ZDHHC7: variants seen among roughly 807,000 people sequenced by gnomAD.
ZDHHC7 encodes palmitoyltransferase ZDHHC7.
ZDHHC7 carries 12 observed loss-of-function variants against 34.1 expected under a neutral mutation model. The observed-to-expected ratio is 0.35, with a 90% CI of 0.23 to 0.57. The LOEUF (loss-of-function observed/expected upper bound fraction) is 0.57, where lower values mean the gene tolerates loss of function less well. Among genes scored for constraint, ZDHHC7 ranks in the 20% least tolerant of loss-of-function variants. The pLI, the probability that ZDHHC7 is intolerant of heterozygous loss-of-function variation, is 0.84. For missense variants in ZDHHC7, 388 were observed against 402.7 expected, an observed-to-expected ratio of 0.96 and a Z score of 0.31; for synonymous variants, 185 against 155.4, an observed-to-expected ratio of 1.19 and a Z score of -1.42.
At chr16:85,008,322 C>G (rs1167107511) in intron 1 of ZDHHC7, among the ~76,000 whole-genome samples, 7 of 152,086 alleles carry the variant, frequency 4.6e-5, no homozygotes, top group African/African-American at 1.7e-4. Context: ...TAAAAACTGA[C>G]TACAAAGACT....
rs531910738 is a variant in ZDHHC7 at position 84,976,167 on chromosome 16, G to A, written c.*176C>T. 505 of 802,046 alleles carry A rather than the reference G, an allele frequency of 6.3e-4. 1 individual carries two copies. In the African/African-American group the frequency reaches 7.8e-3, roughly 12 times the overall value. 49.7% of individuals were successfully genotyped at this position (802,046 alleles called of 1,614,324 possible). ...CCGTTGTTGTACAGGTGGGGACTGA[G>A]AGCCTCTTCCTCTGCCATCTGTGAC... is the stretch of plus-strand genomic sequence containing the variant. On this transcript the variant is annotated 3_prime_UTR_variant, in exon 8 of 8. Transcript: ENST00000313732.
chr16:85,013,382 A>T (rs2072819132), upstream of ZDHHC7, among the ~76,000 whole-genome samples: 1 of 151,986 alleles, frequency 6.6e-6, no homozygotes, highest in Non-Finnish European at 1.5e-5. Flanking sequence ...AGCTGGAATT[A>T]CAGGGGCCCG....
intron 3 of ZDHHC7, among the ~76,000 whole-genome samples, chr16:84,982,895 G>C (rs535240893): frequency 2.0e-4 from 31 of 152,370 alleles, no homozygotes; most frequent in African/African-American, 7.5e-4. Flanking sequence ...AAGGCCAAGA[G>C]TCACCCTACC....
At chr16:84,977,048 A>G (rs556197471) in intron 7 of ZDHHC7, 47 bp downstream of exon 7, 2 of 1,606,568 alleles carry the variant, frequency 1.2e-6, no homozygotes, top group East Asian at 4.5e-5. Flanking sequence ...TCATTTACTC[A>G]AGCTTGGACC....
At chr16:85,016,337 G>C (rs891403022), upstream of ZDHHC7, among the ~76,000 whole-genome samples, 1 of 151,442 alleles carries the variant, frequency 6.6e-6, no homozygotes, top group Non-Finnish European at 1.5e-5. Context: ...TTTTATTTTT[G>C]GCTTACAGTC....
chr16:85,004,539 C>G (rs936158287), intron 1 of ZDHHC7, among the ~76,000 whole-genome samples: 1 of 151,928 alleles, frequency 6.6e-6, no homozygotes, highest in Non-Finnish European at 1.5e-5. Flanking sequence ...CACCCCACCC[C>G]CCACTCCACC....
In ZDHHC7 at chr16:84,976,272, G is replaced by A; in HGVS notation, c.*71C>T. On this transcript the variant is annotated 3_prime_UTR_variant, in exon 8 of 8. Coordinates refer to ENST00000313732, the MANE Select transcript of ZDHHC7 (RefSeq NM_017740.3). ...TTGCCCTGTTGGTCACAGATGAGCT[G>A]TTGATATCCTTCAGACCCCAAATAA... is the stretch of plus-strand genomic sequence containing the variant. 1 of 1,585,110 alleles carries A rather than the reference G, an allele frequency of 6.3e-7. No individual in the cohort carries two copies. Among genetic ancestry groups the A allele is most frequent in the Admixed American group, 1.9e-5 (1 of 54,044 alleles).
intron 4 of ZDHHC7, among the ~76,000 whole-genome samples, chr16:84,980,944 G>C (rs1397094747): frequency 6.6e-6 from 1 of 152,156 alleles, no homozygotes; most frequent in Non-Finnish European, 1.5e-5. Context: ...TTTCACTCCA[G>C]CCATAAAGCA....
chr16:84,979,200 C>T lies in ZDHHC7; in HGVS notation c.526G>A (p.Val176Met), dbSNP rs61762974. 8.8e-6 allele frequency: 14 copies of T among 1,597,474 alleles called. No individual in the cohort carries two copies. Among genetic ancestry groups the T allele is most frequent in the Admixed American group, 1.8e-5 (1 of 54,508 alleles). The change falls in exon 5 of 8, where the codon GTG becomes ATG. Residue 176 changes from valine (V) to methionine (M), a missense_variant. Coordinates refer to ENST00000313732, the MANE Select transcript of ZDHHC7 (RefSeq NM_017740.3). ...CVGEKNQRFF[V>M]LFTMYIALSS... is the part of the protein sequence containing the mutation. ...ATATTTTTACTTACAGTGAAGAGCA[C>T]AAAAAATCTTTGATTCTTTTCTCCT... is the stretch of plus-strand genomic sequence containing the variant.
At chr16:85,002,858 C>A (rs774075415) in intron 1 of ZDHHC7, among the ~76,000 whole-genome samples, 1 of 151,588 alleles carries the variant, frequency 6.6e-6, no homozygotes, top group Non-Finnish European at 1.5e-5. Context: ...AGAGGAGGAG[C>A]GGGGCTGCGG....
intron 1 of ZDHHC7, among the ~76,000 whole-genome samples, chr16:85,000,089 G>A (rs941268225): frequency 1.3e-5 from 2 of 151,760 alleles, no homozygotes; most frequent in Non-Finnish European, 2.9e-5. Flanking sequence ...GCAGTGAGCT[G>A]TGTTTGTGCC....
intron 3 of ZDHHC7, among the ~76,000 whole-genome samples, chr16:84,984,305 G>A (rs2072409033): frequency 6.6e-6 from 1 of 152,126 alleles, no homozygotes; most frequent in Non-Finnish European, 1.5e-5. Context: ...ACAGGTATGA[G>A]CCACCGTGCC....
At chr16:84,988,389 G>C (rs2072465129) in intron 3 of ZDHHC7, among the ~76,000 whole-genome samples, 1 of 152,156 alleles carries the variant, frequency 6.6e-6, no homozygotes, top group Non-Finnish European at 1.5e-5. Flanking sequence ...CACGAGGATG[G>C]ATTTAGTGCT....
chr16:84,977,016 C>CT lies in ZDHHC7; in HGVS notation c.750+78dup, dbSNP rs999314808. 8 of 1,574,402 alleles carry CT rather than the reference C, an allele frequency of 5.1e-6. No individual in the cohort carries two copies. In the African/African-American group the frequency reaches 1.1e-4, roughly 21 times the overall value. On this transcript the variant is annotated intron_variant, in intron 7 of 7. Coordinates refer to ENST00000313732, the MANE Select transcript of ZDHHC7 (RefSeq NM_017740.3). ...CGTTCCCGAGTCAGTCCACAGGCAC[C>CT]TATTGTTGACATTAGGACTTTTCAT...
intron 1 of ZDHHC7, among the ~76,000 whole-genome samples, chr16:84,996,667 G>A (rs28539687): frequency 0.37 from 56,630 of 151,898 alleles, 12,772 homozygotes; most frequent in African/African-American, 0.64. Context: ...CCCTAAGTCA[G>A]GGGCCACAGG....
At chr16:85,025,543 G>A in the ZDHHC7 span, among the ~76,000 whole-genome samples, 2 of 152,244 alleles carry the variant, frequency 1.3e-5, no homozygotes, top group Middle Eastern at 3.4e-3. Context: ...CCGAGTAGCT[G>A]GGACTACAGG....
intron 3 of ZDHHC7, among the ~76,000 whole-genome samples, chr16:84,984,263 C>G (rs1567494835): frequency 6.6e-6 from 1 of 152,200 alleles, no homozygotes; most frequent in South Asian, 2.1e-4. Flanking sequence ...TCAGGTGATC[C>G]AACCGCCTCA....
At chr16:85,023,410 C>A in the ZDHHC7 span, among the ~76,000 whole-genome samples, 1 of 152,136 alleles carries the variant, frequency 6.6e-6, no homozygotes, top group Admixed American at 6.5e-5. Flanking sequence ...GGTGATCCAC[C>A]CGCCTCGGCC....
At chr16:85,027,513 C>T in the ZDHHC7 span, among the ~76,000 whole-genome samples, 2 of 152,230 alleles carry the variant, frequency 1.3e-5, no homozygotes, top group Non-Finnish European at 2.9e-5. Context: ...TGCACCGGGC[C>T]TGCCCCACCC....
Sources: allele counts gnomAD v4.1 joint callset (sites outside exome capture counted in the v4.1 genomes callset), GRCh38; gene constraint gnomAD v4.1.1; transcripts MANE v1.5; gene names NCBI Gene and HGNC (gene_info 2026-07-23, HGNC 2026-07-21).